Variants in MBNL2 observed in about 807,000 individuals in gnomAD.
MBNL2 encodes the protein muscleblind-like protein 2.
In MBNL2, 17 loss-of-function variants were observed where a neutral mutation model predicts 41.9. The observed-to-expected ratio is 0.41, with a 90% CI of 0.28 to 0.61. MBNL2 has a LOEUF of 0.61. Ranked by LOEUF, MBNL2 falls within the 20% of genes least tolerant of loss-of-function variation. MBNL2 has a pLI of 0.35. For synonymous variants in MBNL2, 195 were observed against 182.9 expected (o/e 1.07, Z -0.53); for missense variants, 336 against 505.6 (o/e 0.66, Z 3.22).
At chr13:97,388,682 T>G (rs1007183013) in intron 8 of MBNL2, among the ~76,000 whole-genome samples, 2 of 152,164 alleles carry the variant, frequency 1.3e-5, no homozygotes, top group African/African-American at 4.8e-5. Context: ...GCTAGTGATA[T>G]GACAGGCCCT....
upstream of MBNL2, among the ~76,000 whole-genome samples, chr13:97,220,864 T>A (rs1462853991): frequency 6.6e-6 from 1 of 152,168 alleles, no homozygotes; most frequent in Non-Finnish European, 1.5e-5. Context: ...AAGAGGAGAA[T>A]CACAAATCTG....
At chr13:97,171,510 C>A in the MBNL2 span, among the ~76,000 whole-genome samples, 1 of 152,236 alleles carries the variant, frequency 6.6e-6, no homozygotes, top group East Asian at 1.9e-4. Flanking sequence ...TGTGTACATA[C>A]AATATACAAC....
At chr13:97,210,404 T>A in the MBNL2 span, among the ~76,000 whole-genome samples, 1 of 152,256 alleles carries the variant, frequency 6.6e-6, no homozygotes, top group African/African-American at 2.4e-5. Flanking sequence ...GAAGTCTTTG[T>A]CTTTGTGGCA....
chr13:97,369,337 A>G (rs1352748847), intron 8 of MBNL2, among the ~76,000 whole-genome samples: 1 of 152,200 alleles, frequency 6.6e-6, no homozygotes, highest in African/African-American at 2.4e-5. Flanking sequence ...GAGGAGTAGA[A>G]CTAGATGCCC....
chr13:97,155,210 A>G, the MBNL2 span, among the ~76,000 whole-genome samples: 2,312 of 152,054 alleles, frequency 0.015, 63 homozygotes, highest in East Asian at 0.11. Context: ...AGTTGGAAAT[A>G]TGTTTTCCAT....
intron 2 of MBNL2, among the ~76,000 whole-genome samples, chr13:97,284,416 T>C (rs143482650): frequency 1.4e-3 from 215 of 152,302 alleles, no homozygotes; most frequent in African/African-American, 4.8e-3. Context: ...TCTTGCTGTG[T>C]GTCTCCCTTC....
At chr13:97,336,529 C>T (rs544494865) in intron 3 of MBNL2, among the ~76,000 whole-genome samples, 1 of 152,138 alleles carries the variant, frequency 6.6e-6, no homozygotes, top group Non-Finnish European at 1.5e-5. Context: ...GGAGAGTTAG[C>T]ACTGACAGAA....
the MBNL2 span, among the ~76,000 whole-genome samples, chr13:97,180,738 T>C: frequency 3.4e-4 from 22 of 64,294 alleles, no homozygotes; most frequent in East Asian, 5.6e-3. Context: ...TGAGACTCCA[T>C]CTAAAAAAAA....
chr13:97,253,255 T>C (rs2046905932), intron 1 of MBNL2, among the ~76,000 whole-genome samples: 1 of 152,180 alleles, frequency 6.6e-6, no homozygotes, highest in Non-Finnish European at 1.5e-5. Context: ...CATCCATATA[T>C]CCATTTATCT....
the MBNL2 span, among the ~76,000 whole-genome samples, chr13:97,144,791 G>A: frequency 6.6e-6 from 1 of 152,170 alleles, no homozygotes; most frequent in African/African-American, 2.4e-5. Context: ...GGAGGATGAG[G>A]AGGAAATAAG....
chr13:97,275,821 A>G lies in MBNL2; in HGVS notation c.-415A>G, dbSNP rs2052055878. 6.4e-6 allele frequency: 1 copy of G among 155,196 alleles called. No individual in the cohort carries two copies. The highest frequency in any genetic ancestry group is 2.4e-5 in the African/African-American group (1 of 41,568). 9.6% of individuals were successfully genotyped at this position (155,196 alleles called of 1,614,324 possible). ...TCAGAATTTAAAAAGGGGAAAGAAAAACATCCTGCTAAAATATGAACATCT... is the reference window on the plus strand; with the variant it reads ...TCAGAATTTAAAAAGGGGAAAGAAAGACATCCTGCTAAAATATGAACATCT... On this transcript the variant is annotated 5_prime_UTR_variant, in exon 2 of 9. Coordinates refer to ENST00000679496, the MANE Select transcript of MBNL2 (RefSeq NM_001382683.1).
At chr13:97,166,837 T>TAGATAGAAAGAA in the MBNL2 span, among the ~76,000 whole-genome samples, 2,214 of 143,304 alleles carry the variant, frequency 0.015, 28 homozygotes, top group African/African-American at 0.029. Context: ...GATAGATAGA[T>TAGATAGAAAGAA]AGAAAGATAG....
intron 1 of MBNL2, among the ~76,000 whole-genome samples, chr13:97,246,841 C>T (rs1163665398): frequency 6.6e-6 from 1 of 152,194 alleles, no homozygotes; most frequent in Non-Finnish European, 1.5e-5. Flanking sequence ...TTACAGTCAG[C>T]TTTATCGCCA....
intron 8 of MBNL2, among the ~76,000 whole-genome samples, chr13:97,389,551 T>C (rs913499954): frequency 1.1e-4 from 16 of 151,688 alleles, no homozygotes; most frequent in Non-Finnish European, 2.1e-4. Flanking sequence ...AAAATAAAAA[T>C]GGAAATTAGG....
intron 2 of MBNL2, among the ~76,000 whole-genome samples, chr13:97,329,561 G>A (rs562604389): frequency 2.8e-3 from 118 of 41,742 alleles, no homozygotes; most frequent in Middle Eastern, 0.011. Flanking sequence ...GCCCCTAGAT[G>A]GGACATTCTC....
the MBNL2 span, among the ~76,000 whole-genome samples, chr13:97,170,231 A>G: frequency 6.6e-6 from 1 of 152,258 alleles, no homozygotes; most frequent in Admixed American, 6.5e-5. Flanking sequence ...AAGCATGTGT[A>G]TATGTGTGAA....
intron 1 of MBNL2, among the ~76,000 whole-genome samples, chr13:97,226,306 G>A (rs933414515): frequency 1.3e-5 from 2 of 152,188 alleles, no homozygotes; most frequent in African/African-American, 4.8e-5. Flanking sequence ...CAGCAGAAAC[G>A]CTTGGTAATA....
intron 3 of MBNL2, among the ~76,000 whole-genome samples, chr13:97,337,264 T>G (rs577155504): frequency 4.3e-4 from 66 of 152,294 alleles, no homozygotes; most frequent in African/African-American, 1.5e-3. Context: ...GCACCTTGAT[T>G]TGGGGGGTTC....
chr13:97,160,600 A>G, the MBNL2 span, among the ~76,000 whole-genome samples: 1 of 152,142 alleles, frequency 6.6e-6, no homozygotes, highest in Non-Finnish European at 1.5e-5. Context: ...CCATAAAATT[A>G]GGCAGGGAAG....
Sources: gnomAD v4.1 joint callset for allele counts (sites outside exome capture counted in the v4.1 genomes callset) on GRCh38, gnomAD v4.1.1 for gene constraint, MANE v1.5 for transcripts, NCBI Gene and HGNC (gene_info 2026-07-23, HGNC 2026-07-21) for gene names.